GPR158: variants seen among roughly 807,000 people sequenced by gnomAD.
GPR158 encodes G protein-coupled receptor 158, also known as metabotropic glycine receptor.
Under a neutral mutation model 78.2 loss-of-function variants are expected in GPR158, and 30 were observed. The ratio of observed to expected loss-of-function variants is 0.38; its 90% CI spans 0.29 to 0.52. The LOEUF is 0.52. Among genes scored for constraint, GPR158 ranks in the 20% least tolerant of loss-of-function variants. The pLI is 0.83. For missense variants in GPR158, 1,463 were observed against 1,523.5 expected, an observed-to-expected ratio of 0.96 and a Z score of 0.66; for synonymous variants, 581 against 591.1, an observed-to-expected ratio of 0.98 and a Z score of 0.25.
chr10:25,507,608 A>G (rs909642406), intron 5 of GPR158, among the ~76,000 whole-genome samples: 1 of 152,260 alleles, frequency 6.6e-6, no homozygotes, highest in Non-Finnish European at 1.5e-5. Context: ...CAAGCTATAT[A>G]TCACAAAGGA....
At chr10:25,228,748 T>C (rs554071150) in intron 2 of GPR158, among the ~76,000 whole-genome samples, 21 of 152,252 alleles carry the variant, frequency 1.4e-4, no homozygotes, top group Admixed American at 7.8e-4. Flanking sequence ...AGATGATTTG[T>C]AGGCCGGGCG....
At chr10:25,359,708 G>T (rs987064272) in intron 2 of GPR158, among the ~76,000 whole-genome samples, 1 of 152,150 alleles carries the variant, frequency 6.6e-6, no homozygotes, top group African/African-American at 2.4e-5. Context: ...GAATAGTGCT[G>T]CAATAAACAT....
intron 2 of GPR158, among the ~76,000 whole-genome samples, chr10:25,328,077 G>A (rs888496665): frequency 1.3e-5 from 2 of 152,154 alleles, no homozygotes; most frequent in Non-Finnish European, 2.9e-5. Flanking sequence ...CAGTTCGTCT[G>A]TATAATTTGG....
rs778883217 is a variant in GPR158, at chr10:25,599,177, C to G, written c.3551C>G (p.Ala1184Gly). The G allele has an allele frequency of 1.7e-5, 27 of 1,611,278 alleles. 1 individual carries two copies. In the South Asian group the frequency reaches 2.7e-4, roughly 16 times the overall value. ...WEFETPAQPN[A>G]GRSVALPASS... ...TTTGAGACCCCAGCTCAACCAAATG[C>G]TGGAAGAAGTGTAGCTTTACCTGCC... Residue 1184 changes from alanine to glycine, a missense_variant, in exon 11 of 11, where the codon GCT becomes GGT. Transcript: ENST00000376351.
chr10:25,431,940 C>T (rs546670431), intron 4 of GPR158, among the ~76,000 whole-genome samples: 29 of 151,992 alleles, frequency 1.9e-4, no homozygotes, highest in Admixed American at 1.1e-3. Context: ...CAGCATGGCA[C>T]ATGTATACAT....
intron 2 of GPR158, among the ~76,000 whole-genome samples, chr10:25,334,128 A>G (rs1855164652): frequency 1.3e-5 from 2 of 152,110 alleles, no homozygotes; most frequent in Admixed American, 6.6e-5. Context: ...TTTTATGTAT[A>G]AAAAGTTAAA....
At chr10:25,363,049 TGTA>T (rs970311906) in intron 2 of GPR158, among the ~76,000 whole-genome samples, 17 of 152,006 alleles carry the variant, frequency 1.1e-4, no homozygotes, top group African/African-American at 3.6e-4. Context: ...TCCATTTGAT[TGTA>T]GTCTCTTTAA....
At chr10:25,338,479 A>ATATAAT (rs1359652644) in intron 2 of GPR158, among the ~76,000 whole-genome samples, 2 of 130,542 alleles carry the variant, frequency 1.5e-5, no homozygotes, top group African/African-American at 6.6e-5. Flanking sequence ...TTATACGTAT[A>ATATAAT]ATATACGTAT....
At chr10:25,412,212 G>A in intron 3 of GPR158, 38 bp from the exon 4 acceptor site, 1 of 1,371,948 alleles carries the variant, frequency 7.3e-7, no homozygotes, top group Non-Finnish European at 1.0e-6. Flanking sequence ...CTACCTAAGA[G>A]GTGCAAATGA....
intron 2 of GPR158, among the ~76,000 whole-genome samples, chr10:25,373,692 A>G (rs762879413): frequency 6.6e-6 from 1 of 151,896 alleles, no homozygotes; most frequent in Non-Finnish European, 1.5e-5. Context: ...CCAAGGTAAT[A>G]TAGAAGTAAA....
At chr10:25,516,321 G>C (rs1359475246) in intron 5 of GPR158, among the ~76,000 whole-genome samples, 1 of 149,332 alleles carries the variant, frequency 6.7e-6, no homozygotes, top group East Asian at 2.0e-4. Context: ...GTTGTAGGTT[G>C]CCTGTTCACT....
chr10:25,478,518 G>C (rs1621310), intron 5 of GPR158, among the ~76,000 whole-genome samples: 66,050 of 150,274 alleles, frequency 0.44, 15,472 homozygotes, highest in East Asian at 0.76. Context: ...GTGTGTGTGT[G>C]TGTGTGTGTA....
At chr10:25,444,308 A>C (rs1835108417) in intron 4 of GPR158, among the ~76,000 whole-genome samples, 1 of 150,588 alleles carries the variant, frequency 6.6e-6, no homozygotes, top group Admixed American at 6.6e-5. Context: ...TATGTGCATG[A>C]CTGTATGTGT....
chr10:25,512,201 A>C (rs1211684613), intron 5 of GPR158, among the ~76,000 whole-genome samples: 1 of 151,914 alleles, frequency 6.6e-6, no homozygotes, highest in Non-Finnish European at 1.5e-5. Flanking sequence ...TGTTGAGTAT[A>C]ATTTTTTTCA....
rs142164451 is a variant in GPR158 at position 25,290,707 on chromosome 10, G to A, written c.1008+69550G>A. Among the ~76,000 whole-genome samples the A allele has an allele frequency of 1.7e-4, 26 of 152,068 alleles. No homozygotes were observed. The East Asian group carries it at 5.0e-3, about 29-fold the overall frequency. ...GTATGTATCAGGCAAATGATTTCAT[G>A]GAGTAGTTTCTTATATTTATGTATA... On this transcript the variant is annotated intron_variant, in intron 2 of 10. Coordinates refer to ENST00000376351, the MANE Select transcript of GPR158 (RefSeq NM_020752.3).
At chr10:25,345,688 C>T (rs1423199105) in intron 2 of GPR158, among the ~76,000 whole-genome samples, 3 of 151,888 alleles carry the variant, frequency 2.0e-5, no homozygotes, top group Non-Finnish European at 4.4e-5. Flanking sequence ...TTGTAATCTG[C>T]TGGCTAATAT....
intron 4 of GPR158, among the ~76,000 whole-genome samples, chr10:25,427,039 T>C (rs1164715585): frequency 6.6e-6 from 1 of 152,254 alleles, no homozygotes; most frequent in African/African-American, 2.4e-5. Context: ...TCAAAAATTA[T>C]GGAATTTTTT....
At chr10:25,420,931 T>A (rs10741085) in intron 4 of GPR158, among the ~76,000 whole-genome samples, 106,368 of 152,054 alleles carry the variant, frequency 0.7, 38,222 homozygotes, top group Non-Finnish European at 0.8. Context: ...TTAAAATTGT[T>A]TTGGCTATTT....
chr10:25,330,099 G>A (rs2130490927), intron 2 of GPR158, among the ~76,000 whole-genome samples: 1 of 151,386 alleles, frequency 6.6e-6, no homozygotes, highest in Non-Finnish European at 1.5e-5. Flanking sequence ...GTGCCATGCT[G>A]GTGCGCTACA....
Sources: gnomAD v4.1 joint callset for allele counts (sites outside exome capture counted in the v4.1 genomes callset) on GRCh38, gnomAD v4.1.1 for gene constraint, MANE v1.5 for transcripts, NCBI Gene and HGNC (gene_info 2026-07-23, HGNC 2026-07-21) for gene names.